Variants in PRSS23 observed in about 807,000 individuals in gnomAD.
The protein encoded by PRSS23 is serine protease 23.
Under a neutral mutation model 34.7 loss-of-function variants are expected in PRSS23, and 25 were observed. That is an observed-to-expected ratio of 0.72 (90% CI 0.53 to 1.01). The LOEUF (loss-of-function observed/expected upper bound fraction) is 1.01, where lower values mean the gene tolerates loss of function less well. Ranked by LOEUF, PRSS23 falls within the 50% of genes least tolerant of loss-of-function variation. The pLI, the probability that PRSS23 is intolerant of heterozygous loss-of-function variation, is 0.00. For missense variants in PRSS23, 445 were observed against 475.6 expected (o/e 0.94, Z 0.60); for synonymous variants, 176 against 186.6 (o/e 0.94, Z 0.46).
At chr11:86,825,102 T>G in intron 2 of PRSS23, among the ~76,000 whole-genome samples, 1 of 150,804 alleles carries the variant, frequency 6.6e-6, no homozygotes, top group East Asian at 2.0e-4. Flanking sequence ...ACCAACAGTG[T>G]AAAAGTGTTC....
chr11:86,951,649 A>G, exon 3 of PRSS23: 1 of 1,614,200 alleles, frequency 6.2e-7, no homozygotes, highest in Non-Finnish European at 8.5e-7. Flanking sequence ...GTTCATCTGC[A>G]TCCACCAGTC....
intron 2 of PRSS23, chr11:86,910,232 T>C (rs1948968643): frequency 6.6e-6 from 1 of 152,184 alleles, no homozygotes; most frequent in Non-Finnish European, 1.5e-5. Context: ...GAACAATATT[T>C]CATCAGGAGA....
chr11:86,845,773 C>T (rs1320344934), intron 2 of PRSS23, among the ~76,000 whole-genome samples: 1 of 152,154 alleles, frequency 6.6e-6, no homozygotes, highest in Admixed American at 6.6e-5. Flanking sequence ...TTTCTCTTCC[C>T]CCTACCCCAA....
intron 2 of PRSS23, among the ~76,000 whole-genome samples, chr11:86,846,392 G>C (rs1297981271): frequency 2.6e-5 from 4 of 152,132 alleles, no homozygotes; most frequent in African/African-American, 9.7e-5. Context: ...GATTAGTGTG[G>C]CTGCTGGACT....
chr11:86,938,542 G>A (rs1189727234), intron 2 of PRSS23, among the ~76,000 whole-genome samples: 1 of 152,168 alleles, frequency 6.6e-6, no homozygotes, highest in Non-Finnish European at 1.5e-5. Context: ...AGAGCATAGG[G>A]TGTGTCTGAG....
intron 2 of PRSS23, among the ~76,000 whole-genome samples, chr11:86,904,198 G>A (rs1464370086): frequency 6.6e-6 from 1 of 152,134 alleles, no homozygotes; most frequent in African/African-American, 2.4e-5. Context: ...CCAGGTTGAA[G>A]GAATGACAAC....
chr11:86,807,195 T>A (rs565711648), intron 1 of PRSS23, among the ~76,000 whole-genome samples: 3 of 151,978 alleles, frequency 2.0e-5, no homozygotes, highest in Admixed American at 6.6e-5. Flanking sequence ...ATTTTCCAAG[T>A]ACATGTTACA....
At position 86,928,674 on chromosome 11, in the gene PRSS23, CAAAAAAAAAAAA is replaced by C. The variant is rs1212658424; in HGVS notation, c.207-22521_207-22510del. Among the ~76,000 whole-genome samples, 25 of 13,570 alleles carry C rather than the reference CAAAAAAAAAAAA, an allele frequency of 1.8e-3. 1 individual carries two copies. Among genetic ancestry groups the C allele is most frequent in the Admixed American group, 2.8e-3 (2 of 704 alleles). The allele number at this position is 13,570 out of a possible 152,430, so 8.9% of individuals were successfully genotyped here. ...TGGGCGACAAAGCAAGACTCTGTCT[CAAAAAAAAAAAA>C]AAAAAAAAAAAAAAAAAAAATTGGC... On this transcript the variant is annotated intron_variant, in intron 2 of 2. Coordinates refer to the PRSS23 transcript ENST00000533902.
At chr11:86,952,116 A>C in exon 3 of PRSS23, 1 of 1,614,020 alleles carries the variant, frequency 6.2e-7, no homozygotes, top group Non-Finnish European at 8.5e-7. Flanking sequence ...TCCTTGGCTG[A>C]GCGGCTGTAT....
chr11:86,884,861 A>G (rs1168700433), intron 2 of PRSS23, among the ~76,000 whole-genome samples: 1 of 152,166 alleles, frequency 6.6e-6, no homozygotes, highest in Non-Finnish European at 1.5e-5. Flanking sequence ...GGTATCTCCC[A>G]CAAAACTTGG....
chr11:86,846,048 GA>G (rs1300758566), intron 2 of PRSS23, among the ~76,000 whole-genome samples: 1 of 152,112 alleles, frequency 6.6e-6, no homozygotes, highest in Non-Finnish European at 1.5e-5. Context: ...CTGCCTTAAA[GA>G]GTTGAAAAGG....
At chr11:86,841,976 C>CA (rs1565363026) in intron 2 of PRSS23, among the ~76,000 whole-genome samples, 1 of 151,970 alleles carries the variant, frequency 6.6e-6, no homozygotes, top group Non-Finnish European at 1.5e-5. Context: ...AGAGACACAA[C>CA]AAAAAAAGAG....
chr11:86,869,058 C>T (rs1948668491), intron 2 of PRSS23, among the ~76,000 whole-genome samples: 1 of 152,132 alleles, frequency 6.6e-6, no homozygotes, highest in African/African-American at 2.4e-5. Context: ...AGCGATCTGC[C>T]TGCCTCAGCC....
In PRSS23 at chr11:86,804,616, C is replaced by A. The variant is rs1046450615; in HGVS notation, c.-13-3015C>A. Among the ~76,000 whole-genome samples, 3 of 152,314 alleles carry A rather than the reference C, an allele frequency of 2.0e-5. No individual in the cohort carries two copies. In the South Asian group the frequency reaches 6.2e-4, roughly 32 times the overall value. On this transcript the variant is annotated intron_variant, in intron 1 of 1. Transcript: ENST00000280258. ...TTTTTTTCTTATAGATGGCTGGCTT[C>A]TCCTTCACTCCTGGCTAAATGAACA...
chr11:86,845,823 G>A (rs1175163449), intron 2 of PRSS23, among the ~76,000 whole-genome samples: 1 of 152,122 alleles, frequency 6.6e-6, no homozygotes, highest in Non-Finnish European at 1.5e-5. Flanking sequence ...TCTGTGACCA[G>A]CAGACCTTAT....
chr11:86,908,401 A>G (rs1204943578), intron 2 of PRSS23, among the ~76,000 whole-genome samples: 2 of 152,356 alleles, frequency 1.3e-5, no homozygotes, highest in East Asian at 3.9e-4. Flanking sequence ...AACAAGTCCA[A>G]AGTCACAGGA....
At chr11:86,852,439 G>A (rs1565366179) in intron 2 of PRSS23, among the ~76,000 whole-genome samples, 2 of 152,008 alleles carry the variant, frequency 1.3e-5, no homozygotes, top group African/African-American at 2.4e-5. Flanking sequence ...GAAGCTTTGG[G>A]GCTCTTCCTC....
rs573641965 is a variant in PRSS23, at chr11:86,811,069, A to G, written c.*2274A>G. ...TGCCTTATGATTTTCTACCAAAAGT[A>G]AAAAGGGTTGTATTAAGTCAGAGGA... On this transcript the variant is annotated 3_prime_UTR_variant, in exon 2 of 2. Transcript: ENST00000280258. 11 of 167,132 alleles carry G rather than the reference A, an allele frequency of 6.6e-5. No homozygotes were observed. Among genetic ancestry groups the G allele is most frequent in the Admixed American group, 3.3e-4 (5 of 15,302 alleles). 10.4% of individuals were successfully genotyped at this position (167,132 alleles called of 1,614,324 possible).
intron 2 of PRSS23, chr11:86,833,476 T>C (rs999587302): frequency 9.0e-6 from 3 of 333,532 alleles, no homozygotes; most frequent in Non-Finnish European, 1.7e-5. Context: ...CGGACATGTA[T>C]ATATATATAT....
Sources: gnomAD v4.1 joint callset for allele counts (sites outside exome capture counted in the v4.1 genomes callset) on GRCh38, gnomAD v4.1.1 for gene constraint, MANE v1.5 for transcripts, NCBI Gene and HGNC (gene_info 2026-07-23, HGNC 2026-07-21) for gene names.